KANSL1: variants seen among roughly 807,000 people sequenced by gnomAD.
The protein encoded by KANSL1 is KAT8 regulatory NSL complex subunit 1.
KANSL1 carries 22 observed loss-of-function variants against 103.6 expected under a neutral mutation model. The observed-to-expected ratio is 0.21, with a 90% CI of 0.15 to 0.30. The LOEUF is 0.30. Ranked by LOEUF, KANSL1 falls within the 10% of genes least tolerant of loss-of-function variation. The pLI, the probability that KANSL1 is intolerant of heterozygous loss-of-function variation, is 1.00. For missense variants in KANSL1, 1,337 were observed against 1,399.8 expected (o/e 0.96, Z 0.72); for synonymous variants, 600 against 527.6 (o/e 1.14, Z -1.88).
rs867491265 is a variant in KANSL1 at position 46,161,268 on chromosome 17, A to T, written c.1289+9587T>A. 3.3e-5 allele frequency among the ~76,000 whole-genome samples: 5 copies of T among 151,160 alleles called. No individual in the cohort carries two copies. The South Asian group carries it at 8.3e-4, about 25-fold the overall frequency. On this transcript the variant is annotated intron_variant, in intron 2 of 14. Transcript: ENST00000432791. ...CCTCTACTAAAAAAAAAAAAAAAAA[A>T]AAAAAAAAATACAAAAAATTAGCCG...
rs771391526 is a variant in KANSL1, at chr17:46,171,653, C to T, written c.491G>A (p.Ser164Asn). ...VNGLAKKLTK[S>N]STHSDHDNST... ...ATTGTCATGATCAGAATGTGTTGAACTTTTAGTCAATTTCTTAGCCAACCC... is the reference window on the plus strand; with the variant it reads ...ATTGTCATGATCAGAATGTGTTGAATTTTTAGTCAATTTCTTAGCCAACCC... The change falls in exon 2 of 15, where the codon AGT becomes AAT. Residue 164 changes from serine to asparagine, a missense_variant. Physicochemically the swap from Ser to Asn is conservative, Grantham distance 46. Transcript: ENST00000432791. 1.3e-6 allele frequency: 2 copies of T among 1,554,024 alleles called. No individual in the cohort carries two copies. Among genetic ancestry groups the T allele is most frequent in the Non-Finnish European group, 1.7e-6 (2 of 1,154,776 alleles).
At chr17:46,078,548 C>T (rs928219247) in intron 4 of KANSL1, among the ~76,000 whole-genome samples, 1 of 148,790 alleles carries the variant, frequency 6.7e-6, no homozygotes. Flanking sequence ...GAACTCCATC[C>T]TCTGATAATA....
At chr17:46,059,647 A>AAAG (rs541946204) in intron 6 of KANSL1, among the ~76,000 whole-genome samples, 2 of 54,830 alleles carry the variant, frequency 3.6e-5, no homozygotes, top group African/African-American at 1.3e-4. Context: ...AAAAAAAAAA[A>AAAG]AGAGAGAGAG....
At chr17:46,051,819 T>A (rs1420259171) in intron 6 of KANSL1, among the ~76,000 whole-genome samples, 6 of 152,208 alleles carry the variant, frequency 3.9e-5, no homozygotes, top group African/African-American at 7.2e-5. Context: ...CTTTTATGGA[T>A]TTGTGTAAGA....
At chr17:46,154,729 C>G (rs1467792047) in intron 2 of KANSL1, among the ~76,000 whole-genome samples, 1 of 152,156 alleles carries the variant, frequency 6.6e-6, no homozygotes, top group Non-Finnish European at 1.5e-5. Context: ...TTTCTTAGAG[C>G]TGGGACAAAG....
chr17:46,041,591 G>A (rs187016155), intron 7 of KANSL1: 1 of 152,212 alleles, frequency 6.6e-6, no homozygotes, highest in African/African-American at 2.4e-5. Context: ...GCTCTGGTGG[G>A]GTGAGAGGAC....
chr17:46,161,695 C>A (rs2045752370), intron 2 of KANSL1, among the ~76,000 whole-genome samples: 1 of 152,208 alleles, frequency 6.6e-6, no homozygotes, highest in Non-Finnish European at 1.5e-5. Context: ...CTAAGTAAAA[C>A]AACTTATAAG....
chr17:46,168,561 G>C (rs1279594575), intron 2 of KANSL1, among the ~76,000 whole-genome samples: 73 of 152,148 alleles, frequency 4.8e-4, no homozygotes, highest in Admixed American at 4.8e-3. Context: ...TGGTCAAACT[G>C]GTCTCGAACT....
intron 2 of KANSL1, among the ~76,000 whole-genome samples, chr17:46,098,579 C>T: frequency 6.6e-6 from 1 of 152,154 alleles, no homozygotes; most frequent in East Asian, 1.9e-4. Context: ...AGGTATTTAC[C>T]TAAATAACAA....
At chr17:46,220,132 A>T (rs1466937730) in intron 1 of KANSL1, among the ~76,000 whole-genome samples, 1 of 152,178 alleles carries the variant, frequency 6.6e-6, no homozygotes, top group Non-Finnish European at 1.5e-5. Context: ...CAAAAAAACT[A>T]TTCTCTCAGT....
chr17:46,180,390 C>T (rs2046729968), intron 1 of KANSL1, among the ~76,000 whole-genome samples: 2 of 151,954 alleles, frequency 1.3e-5, no homozygotes, highest in Non-Finnish European at 2.9e-5. Context: ...CCCAGCTGCT[C>T]GGGAAGCTGT....
intron 2 of KANSL1, among the ~76,000 whole-genome samples, chr17:46,155,576 G>A (rs1318568623): frequency 6.6e-6 from 1 of 152,200 alleles, no homozygotes; most frequent in Non-Finnish European, 1.5e-5. Context: ...GGGGGTAGAG[G>A]CCAGAGACGC....
At chr17:46,181,515 C>T (rs960629142) in intron 1 of KANSL1, among the ~76,000 whole-genome samples, 3 of 152,270 alleles carry the variant, frequency 2.0e-5, no homozygotes, top group African/African-American at 4.8e-5. Context: ...CTGCAACCTC[C>T]GCCTCCCAGG....
At chr17:46,044,636 G>A (rs1021272277) in intron 7 of KANSL1, 1 of 152,182 alleles carries the variant, frequency 6.6e-6, no homozygotes, top group Non-Finnish European at 1.5e-5. Context: ...ATTACTTGAG[G>A]TGATAAAACA....
chr17:46,067,379 C>T (rs1344992706), intron 5 of KANSL1, among the ~76,000 whole-genome samples, 170 bp downstream of exon 5: 3 of 152,142 alleles, frequency 2.0e-5, no homozygotes, highest in East Asian at 1.9e-4. Flanking sequence ...GGAAAATATA[C>T]AATTAATTAA....
At chr17:46,187,877 G>T (rs1005133526) in intron 1 of KANSL1, among the ~76,000 whole-genome samples, 1 of 152,162 alleles carries the variant, frequency 6.6e-6, no homozygotes, top group African/African-American at 2.4e-5. Flanking sequence ...TCATAAACAT[G>T]AGCTGTGTTT....
chr17:46,120,595 G>A (rs1462119271), intron 2 of KANSL1, among the ~76,000 whole-genome samples: 2 of 152,126 alleles, frequency 1.3e-5, no homozygotes, highest in African/African-American at 2.4e-5. Context: ...AAACATGATA[G>A]TGTAAGTTAA....
chr17:46,199,572 G>C (rs2047726577), intron 1 of KANSL1, among the ~76,000 whole-genome samples: 1 of 152,198 alleles, frequency 6.6e-6, no homozygotes, highest in Non-Finnish European at 1.5e-5. Context: ...AGAATGCATA[G>C]CATTCCTTCA....
intron 2 of KANSL1, among the ~76,000 whole-genome samples, chr17:46,136,099 T>C (rs901565183): frequency 6.6e-6 from 1 of 151,564 alleles, no homozygotes; most frequent in Non-Finnish European, 1.5e-5. Flanking sequence ...GAACAGCTGT[T>C]AACCACTGAG....
Sources: allele counts gnomAD v4.1 joint callset (sites outside exome capture counted in the v4.1 genomes callset), GRCh38; gene constraint gnomAD v4.1.1; transcripts MANE v1.5; gene names NCBI Gene and HGNC (gene_info 2026-07-23, HGNC 2026-07-21).